Variants in MPP7 observed in about 807,000 individuals in gnomAD.
MPP7 encodes the protein MAGUK p55 subfamily member 7.
MPP7 carries 60 observed loss-of-function variants against 76.5 expected under a neutral mutation model. The ratio of observed to expected loss-of-function variants is 0.78; its 90% CI spans 0.64 to 0.97. The LOEUF (loss-of-function observed/expected upper bound fraction) is 0.97. MPP7 is among the 50% of genes least tolerant of loss of function. MPP7 has a pLI of 0.00. For synonymous variants in MPP7, 237 were observed against 244.5 expected (o/e 0.97, Z 0.29); for missense variants, 641 against 694.0 (o/e 0.92, Z 0.86).
At chr10:28,096,038 A>T (rs1853554778) in intron 11 of MPP7, among the ~76,000 whole-genome samples, 1 of 152,228 alleles carries the variant, frequency 6.6e-6, no homozygotes, top group East Asian at 1.9e-4. Context: ...TTCCAGTAGA[A>T]AATTTATGAT....
chr10:28,124,669 G>A (rs182176489), intron 7 of MPP7, among the ~76,000 whole-genome samples: 2 of 149,254 alleles, frequency 1.3e-5, no homozygotes, highest in Non-Finnish European at 3.0e-5. Flanking sequence ...ATTTTTAGTA[G>A]AGACAGGGTT....
rs1834432236 is a variant in MPP7 at position 28,327,784 on chromosome 10, C to T, written c.-132+2145G>A. Among the ~76,000 whole-genome samples, 4 of 152,174 alleles carry T rather than the reference C, an allele frequency of 2.6e-5. No individual in the cohort carries two copies. In the South Asian group the frequency reaches 8.3e-4, roughly 32 times the overall value. ...TCAGCACACTAGCAGCTATTGTGCCCTGACATTATATTCGTGAGTGTGCAC... is the reference window on the plus strand; with the variant it reads ...TCAGCACACTAGCAGCTATTGTGCCTTGACATTATATTCGTGAGTGTGCAC... On this transcript the variant is annotated intron_variant, in intron 2 of 11. Transcript: ENST00000441595.
intron 3 of MPP7, among the ~76,000 whole-genome samples, chr10:28,157,256 G>A (rs973605178): frequency 5.9e-5 from 9 of 152,144 alleles, no homozygotes; most frequent in South Asian, 2.1e-4. Context: ...AAGAGTAACC[G>A]TCAGAGTCAC....
chr10:28,081,419 T>TA (rs1852755168), intron 12 of MPP7, among the ~76,000 whole-genome samples: 1 of 152,242 alleles, frequency 6.6e-6, no homozygotes, highest in Non-Finnish European at 1.5e-5. Context: ...GGTTTCAACA[T>TA]ACTTTCTAGA....
intron 2 of MPP7, among the ~76,000 whole-genome samples, chr10:28,225,967 T>C (rs7097351): frequency 0.17 from 26,409 of 152,122 alleles, 2,598 homozygotes; most frequent in African/African-American, 0.26. Flanking sequence ...GCACAATAGC[T>C]AAAATATGGA....
intron 3 of MPP7, among the ~76,000 whole-genome samples, chr10:28,153,441 G>A (rs981821020): frequency 1.3e-5 from 2 of 151,950 alleles, no homozygotes; most frequent in East Asian, 1.9e-4. Context: ...GTCAGGACAC[G>A]CTAAAATATA....
At chr10:28,194,827 C>T (rs903543791) in intron 3 of MPP7, among the ~76,000 whole-genome samples, 37 of 152,078 alleles carry the variant, frequency 2.4e-4, no homozygotes, top group African/African-American at 8.7e-4. Flanking sequence ...TGGAAGTATA[C>T]AACACAAAGA....
At chr10:28,305,248 C>T (rs895212362), upstream of MPP7, among the ~76,000 whole-genome samples, 5 of 152,218 alleles carry the variant, frequency 3.3e-5, no homozygotes, top group Admixed American at 2.0e-4. Flanking sequence ...TATCATGGTG[C>T]ATAAGGAGAG....
chr10:28,332,472 A>T (rs1429967730), intron 1 of MPP7, among the ~76,000 whole-genome samples: 1 of 152,208 alleles, frequency 6.6e-6, no homozygotes, highest in East Asian at 1.9e-4. Context: ...TTTGTGATCT[A>T]AATAGTGCAA....
intron 1 of MPP7, among the ~76,000 whole-genome samples, chr10:28,260,174 G>A (rs976104148): frequency 6.6e-6 from 1 of 152,004 alleles, no homozygotes; most frequent in Non-Finnish European, 1.5e-5. Flanking sequence ...TATCATCATC[G>A]ACATATTTGA....
Position 28,120,250 on chromosome 10 carries a change from G to A in MPP7, c.831C>T (p.His277=), listed in dbSNP as rs573455860. The change falls in exon 10 of 17, where the codon CAC becomes CAT. Residue 277 remains histidine (H), a synonymous_variant. Coordinates refer to ENST00000683449, the MANE Select transcript of MPP7 (RefSeq NM_001318170.2). The part of the protein sequence containing the change: ...QDDATWWQAK[H]EADANPRAGL... Reference sequence around the variant, plus strand: ...CTGCCCTGGGGTTGGCATCAGCTTCGTGTTTCGCTTGCCACCAAGTTGCAT... The same window carrying A: ...CTGCCCTGGGGTTGGCATCAGCTTCATGTTTCGCTTGCCACCAAGTTGCAT... 167 of 1,613,976 alleles carry A rather than the reference G, an allele frequency of 1.0e-4. No individual in the cohort carries two copies. The South Asian group carries it at 1.5e-3, about 15-fold the overall frequency.
At chr10:28,263,202 G>T (rs76631571) in intron 1 of MPP7, among the ~76,000 whole-genome samples, 5,991 of 152,226 alleles carry the variant, frequency 0.039, 247 homozygotes, top group African/African-American at 0.094. Context: ...TTCTCTGGTG[G>T]TAGTGTATTC....
intron 12 of MPP7, among the ~76,000 whole-genome samples, chr10:28,079,325 T>A (rs572316602): frequency 4.1e-4 from 63 of 151,968 alleles, no homozygotes; most frequent in African/African-American, 1.0e-3. Context: ...TCTACTTTTT[T>A]AAATCTGATA....
intron 1 of MPP7, among the ~76,000 whole-genome samples, chr10:28,259,773 G>A (rs1033148340): frequency 3.3e-5 from 5 of 152,008 alleles, no homozygotes; most frequent in African/African-American, 9.7e-5. Context: ...GAGCCCAGGA[G>A]TTCTAGGCCA....
intron 3 of MPP7, among the ~76,000 whole-genome samples, chr10:28,172,252 T>A (rs1222345114): frequency 3.3e-5 from 5 of 152,204 alleles, no homozygotes; most frequent in Non-Finnish European, 5.9e-5. Flanking sequence ...TTTTTAAAAT[T>A]CAGCACAAAC....
At chr10:28,323,492 C>T (rs894131969) in intron 2 of MPP7, among the ~76,000 whole-genome samples, 2 of 151,408 alleles carry the variant, frequency 1.3e-5, no homozygotes, top group African/African-American at 4.8e-5. Flanking sequence ...CCAGCCAAAA[C>T]CGGGCTTTGT....
chr10:28,276,012 C>CA (rs1347126898), intron 1 of MPP7, among the ~76,000 whole-genome samples: 1 of 149,654 alleles, frequency 6.7e-6, no homozygotes, highest in Non-Finnish European at 1.5e-5. Context: ...TCCTCTTGAC[C>CA]AAAAAGGCCA....
At chr10:28,074,938 G>C (rs11006842) in intron 12 of MPP7, among the ~76,000 whole-genome samples, 7,766 of 152,204 alleles carry the variant, frequency 0.051, 238 homozygotes, top group Middle Eastern at 0.11. Flanking sequence ...ACCTGAGACT[G>C]GGTTATTTAT....
At chr10:28,112,644 G>GGAAA (rs150690692) in intron 11 of MPP7, among the ~76,000 whole-genome samples, 4,494 of 152,008 alleles carry the variant, frequency 0.03, 126 homozygotes, top group East Asian at 0.11. Flanking sequence ...AGTAAGAAAA[G>GGAAA]GAAACAGAAT....
Sources: allele counts gnomAD v4.1 joint callset (sites outside exome capture counted in the v4.1 genomes callset), GRCh38; gene constraint gnomAD v4.1.1; transcripts MANE v1.5; gene names NCBI Gene and HGNC (gene_info 2026-07-23, HGNC 2026-07-21).